Variants in SEMA3A observed in about 807,000 individuals in gnomAD.
The protein encoded by SEMA3A is semaphorin 3A, also known as semaphorin-3A.
In SEMA3A, 29 loss-of-function variants were observed where a neutral mutation model predicts 97.9. The observed-to-expected ratio is 0.30, with a 90% CI of 0.22 to 0.40. The LOEUF (loss-of-function observed/expected upper bound fraction) is 0.40, where lower values mean the gene tolerates loss of function less well. Ranked by LOEUF, SEMA3A falls within the 10% of genes least tolerant of loss-of-function variation. SEMA3A has a pLI of 1.00. For synonymous variants in SEMA3A, 321 were observed against 323.7 expected, an observed-to-expected ratio of 0.99 and a Z score of 0.09; for missense variants, 763 against 951.3, an observed-to-expected ratio of 0.80 and a Z score of 2.60.
intron 1 of SEMA3A, among the ~76,000 whole-genome samples, chr7:84,380,812 C>G (rs139554860): frequency 7.8e-4 from 118 of 152,242 alleles, no homozygotes; most frequent in African/African-American, 2.6e-3. Context: ...GCACAAAAAC[C>G]CTTAACTTTC....
At chr7:84,113,783 T>C (rs1192833566) in intron 3 of SEMA3A, among the ~76,000 whole-genome samples, 1 of 152,068 alleles carries the variant, frequency 6.6e-6, no homozygotes, top group Non-Finnish European at 1.5e-5. Context: ...AGAGCAACAG[T>C]GTTATAGATT....
At chr7:84,463,623 C>T (rs1214098414) in intron 1 of SEMA3A, among the ~76,000 whole-genome samples, 2 of 152,068 alleles carry the variant, frequency 1.3e-5, no homozygotes, top group Admixed American at 1.3e-4. Context: ...TCTGAAGCTT[C>T]TTATTGCATT....
chr7:84,114,484 T>C (rs559619236), intron 3 of SEMA3A, among the ~76,000 whole-genome samples: 1 of 152,266 alleles, frequency 6.6e-6, no homozygotes, highest in Admixed American at 6.5e-5. Context: ...ATCCCATCGA[T>C]AGTTTGTGTA....
intron 6 of SEMA3A, among the ~76,000 whole-genome samples, chr7:84,030,987 G>GTTT (rs10615974): frequency 0.014 from 1,320 of 94,996 alleles, 46 homozygotes; most frequent in African/African-American, 0.04. Context: ...TTTTGGTCAA[G>GTTT]TTTTTTTTTT....
At chr7:84,381,416 T>A (rs766792368) in intron 1 of SEMA3A, among the ~76,000 whole-genome samples, 10 of 152,198 alleles carry the variant, frequency 6.6e-5, no homozygotes, top group Non-Finnish European at 1.2e-4. Context: ...GGAAAACAGG[T>A]GGACTGCTCT....
At chr7:84,139,867 G>A (rs985655134) in intron 1 of SEMA3A, among the ~76,000 whole-genome samples, 9 of 151,888 alleles carry the variant, frequency 5.9e-5, no homozygotes, top group Middle Eastern at 3.4e-3. Flanking sequence ...CCAGTTAATC[G>A]TGGGAGAAAA....
chr7:84,472,219 G>T (rs901524398), intron 1 of SEMA3A, among the ~76,000 whole-genome samples: 2 of 152,036 alleles, frequency 1.3e-5, no homozygotes, highest in Admixed American at 1.3e-4. Context: ...GAAAAGTTAG[G>T]TTAGAGTCAA....
intron 3 of SEMA3A, among the ~76,000 whole-genome samples, chr7:84,301,033 T>C (rs187221166): frequency 6.6e-6 from 1 of 152,220 alleles, no homozygotes. Flanking sequence ...AATTATTTTA[T>C]GGATTAAAAA....
chr7:84,305,824 T>A (rs1414348741), intron 3 of SEMA3A, among the ~76,000 whole-genome samples: 1 of 151,956 alleles, frequency 6.6e-6, no homozygotes, highest in Non-Finnish European at 1.5e-5. Context: ...GTGTGTATGA[T>A]GCACTCATGA....
At chr7:84,468,260 G>A (rs78447225) in intron 1 of SEMA3A, among the ~76,000 whole-genome samples, 1 of 152,160 alleles carries the variant, frequency 6.6e-6, no homozygotes, top group Admixed American at 6.5e-5. Flanking sequence ...GCAAAATCAT[G>A]TGGCACAATG....
chr7:84,234,924 G>T lies in SEMA3A; in HGVS notation c.-82-40256C>A, dbSNP rs561795243. 2.0e-5 allele frequency among the ~76,000 whole-genome samples: 3 copies of T among 152,112 alleles called. No individual in the cohort carries two copies. In the South Asian group the frequency reaches 6.2e-4, roughly 32 times the overall value. On this transcript the variant is annotated intron_variant, in intron 3 of 3. Transcript: ENST00000424555. Reference sequence around the variant, plus strand: ...AAATTACAAAGGTAATTCTATTACAGATGAATTCTAACTAATATCAGTTAA... The same window carrying T: ...AAATTACAAAGGTAATTCTATTACATATGAATTCTAACTAATATCAGTTAA...
intron 1 of SEMA3A, among the ~76,000 whole-genome samples, chr7:84,425,209 A>T (rs538847476): frequency 9.3e-5 from 11 of 117,928 alleles, no homozygotes; most frequent in African/African-American, 3.8e-4. Flanking sequence ...AAATTTACGT[A>T]TTTATATATA....
chr7:84,051,035 T>C (rs1377919678), intron 5 of SEMA3A, among the ~76,000 whole-genome samples: 4 of 151,944 alleles, frequency 2.6e-5, no homozygotes, highest in Admixed American at 1.3e-4. Context: ...TGTGGCATTA[T>C]TTCGGAGGGC....
chr7:84,410,580 G>C (rs999654823), intron 1 of SEMA3A, among the ~76,000 whole-genome samples: 1 of 152,080 alleles, frequency 6.6e-6, no homozygotes. Flanking sequence ...TTTGTTTTCT[G>C]TTGGAAATGT....
At chr7:84,214,171 G>A (rs1584132619) in intron 3 of SEMA3A, among the ~76,000 whole-genome samples, 1 of 152,188 alleles carries the variant, frequency 6.6e-6, no homozygotes, top group South Asian at 2.1e-4. Context: ...TCTCACAACA[G>A]TATGCTGCAA....
chr7:84,442,041 CAA>C, intron 1 of SEMA3A, among the ~76,000 whole-genome samples: 1 of 152,124 alleles, frequency 6.6e-6, no homozygotes, highest in Non-Finnish European at 1.5e-5. Flanking sequence ...GATAGTAACT[CAA>C]AGACATATGA....
intron 1 of SEMA3A, among the ~76,000 whole-genome samples, chr7:84,389,267 T>C (rs1397304517): frequency 1.3e-5 from 2 of 152,008 alleles, no homozygotes; most frequent in African/African-American, 2.4e-5. Flanking sequence ...TCATGAAAAA[T>C]TGCTAAAGTG....
chr7:84,054,279 G>C (rs1792838383), intron 5 of SEMA3A, among the ~76,000 whole-genome samples: 1 of 152,276 alleles, frequency 6.6e-6, no homozygotes, highest in Non-Finnish European at 1.5e-5. Context: ...GATTGGGGAA[G>C]TTCTCCTGGA....
chr7:84,051,181 T>A lies in SEMA3A; in HGVS notation c.548-4738A>T, dbSNP rs943952898. On this transcript the variant is annotated intron_variant, in intron 5 of 16. Coordinates refer to ENST00000265362, the MANE Select transcript of SEMA3A (RefSeq NM_006080.3). ...TTTGTTCTTTTGGCTTAGGATTGAC[T>A]TTGCAATGCGGGCTCTTTTTTGGTT... 6.8e-4 allele frequency among the ~76,000 whole-genome samples: 101 copies of A among 148,532 alleles called. 3 individuals are homozygous for A. The highest frequency in any genetic ancestry group is 6.5e-3 in the Admixed American group (97 of 14,814).
Sources: gnomAD v4.1 joint callset for allele counts (sites outside exome capture counted in the v4.1 genomes callset) on GRCh38, gnomAD v4.1.1 for gene constraint, MANE v1.5 for transcripts, NCBI Gene and HGNC (gene_info 2026-07-23, HGNC 2026-07-21) for gene names.